DAB1: variants seen among roughly 807,000 people sequenced by gnomAD.
DAB1 encodes the protein disabled homolog 1.
Under a neutral mutation model 64.6 loss-of-function variants are expected in DAB1, and 15 were observed. The ratio of observed to expected loss-of-function variants is 0.23; its 90% CI spans 0.16 to 0.36. DAB1 has a LOEUF of 0.36. Among genes scored for constraint, DAB1 ranks in the 10% least tolerant of loss-of-function variants. DAB1 has a pLI of 1.00. For missense variants in DAB1, 596 were observed against 706.7 expected, an observed-to-expected ratio of 0.84 and a Z score of 1.78; for synonymous variants, 235 against 251.9, an observed-to-expected ratio of 0.93 and a Z score of 0.64.
intron 4 of DAB1, among the ~76,000 whole-genome samples, chr1:58,275,860 G>A (rs572182027): frequency 6.6e-6 from 1 of 152,282 alleles, no homozygotes; most frequent in South Asian, 2.1e-4. Context: ...GTCTCAAAGA[G>A]ATATTTGTAT....
At chr1:57,140,029 G>T (rs1658449528) in intron 3 of DAB1, among the ~76,000 whole-genome samples, 2 of 152,140 alleles carry the variant, frequency 1.3e-5, no homozygotes, top group Admixed American at 6.6e-5. Flanking sequence ...AGTCTAGAGT[G>T]GGCCTGCCAC....
intron 9 of DAB1, among the ~76,000 whole-genome samples, chr1:57,027,345 CG>C (rs1375413545): frequency 6.6e-6 from 1 of 152,150 alleles, no homozygotes; most frequent in African/African-American, 2.4e-5. Flanking sequence ...ACAACCACCT[CG>C]TTTGCAGGTA....
At chr1:58,109,858 T>A (rs1198827310) in intron 5 of DAB1, among the ~76,000 whole-genome samples, 1 of 151,682 alleles carries the variant, frequency 6.6e-6, no homozygotes, top group East Asian at 1.9e-4. Flanking sequence ...GATAAATATT[T>A]TTTGATCTGC....
intron 2 of DAB1, among the ~76,000 whole-genome samples, chr1:57,178,676 G>A (rs1662592789): frequency 6.6e-6 from 1 of 152,084 alleles, no homozygotes; most frequent in Non-Finnish European, 1.5e-5. Context: ...CAGGCTGCTG[G>A]TTATGTTATA....
At chr1:57,093,813 G>GT in intron 4 of DAB1, among the ~76,000 whole-genome samples, 1 of 152,252 alleles carries the variant, frequency 6.6e-6, no homozygotes, top group Non-Finnish European at 1.5e-5. Context: ...GAGCTCAAGT[G>GT]TTTAAGAGTC....
intron 5 of DAB1, among the ~76,000 whole-genome samples, chr1:57,942,599 T>C (rs535948275): frequency 6.6e-6 from 1 of 152,298 alleles, no homozygotes; most frequent in South Asian, 2.1e-4. Flanking sequence ...GTCTCAATCT[T>C]TTTAAAAAGC....
chr1:58,072,866 C>T (rs1049229897), intron 5 of DAB1, among the ~76,000 whole-genome samples: 2 of 152,196 alleles, frequency 1.3e-5, no homozygotes, highest in African/African-American at 2.4e-5. Context: ...TTCCTATTCA[C>T]TTTCCAGATT....
At chr1:58,368,231 G>C (rs541429219) in intron 3 of DAB1, among the ~76,000 whole-genome samples, 1 of 152,230 alleles carries the variant, frequency 6.6e-6, no homozygotes, top group East Asian at 1.9e-4. Context: ...TACATATTAG[G>C]GGCTGGAGGA....
chr1:58,355,337 T>A (rs1014215281), intron 3 of DAB1, among the ~76,000 whole-genome samples: 1 of 152,220 alleles, frequency 6.6e-6, no homozygotes, highest in Non-Finnish European at 1.5e-5. Flanking sequence ...TATTGTTCAA[T>A]CTTTAATTAT....
At chr1:57,039,429 A>G (rs1647432365) in intron 9 of DAB1, among the ~76,000 whole-genome samples, 1 of 152,194 alleles carries the variant, frequency 6.6e-6, no homozygotes, top group South Asian at 2.1e-4. Context: ...GTGCCAGGTC[A>G]TGGCAAAAAT....
intron 5 of DAB1, among the ~76,000 whole-genome samples, chr1:57,987,779 T>G (rs531761552): frequency 6.6e-6 from 1 of 151,752 alleles, no homozygotes; most frequent in Non-Finnish European, 1.5e-5. Context: ...GGTGAAGGAG[T>G]TGGGGGAGGG....
At chr1:58,249,629 C>T (rs758108511) in intron 4 of DAB1, among the ~76,000 whole-genome samples, 15 of 151,940 alleles carry the variant, frequency 9.9e-5, no homozygotes, top group Non-Finnish European at 2.2e-4. Context: ...ATGCTCAAGA[C>T]CACAGGACTG....
At position 57,951,334 on chromosome 1, in the gene DAB1, T is replaced by TATATATATATC. The variant is rs1219655257; in HGVS notation, n.388-67173_388-67172insGATATATATAT. 6.1e-4 allele frequency among the ~76,000 whole-genome samples: 39 copies of TATATATATATC among 63,828 alleles called. 7 individuals are homozygous for TATATATATATC. The highest frequency in any genetic ancestry group is 1.2e-3 in the South Asian group (3 of 2,544). The allele number at this position is 63,828 out of a possible 152,430, so 41.9% of individuals were successfully genotyped here. ...GCCTGATTCATATATATATATATAC[T>TATATATATATC]TCCCTGGAAACTTAAATTAGCCCAA... On this transcript the variant is annotated intron_variant and non_coding_transcript_variant, in intron 5 of 20. Transcript: ENST00000485760.
chr1:58,241,222 A>G (rs1365192975), intron 4 of DAB1, among the ~76,000 whole-genome samples: 1 of 152,200 alleles, frequency 6.6e-6, no homozygotes, highest in Non-Finnish European at 1.5e-5. Flanking sequence ...ATTTCAGAAC[A>G]TTAGTCATCT....
intron 5 of DAB1, among the ~76,000 whole-genome samples, chr1:58,032,410 G>C (rs1646985101): frequency 6.6e-6 from 1 of 152,150 alleles, no homozygotes. Flanking sequence ...GGATTGAATG[G>C]AATATCAAAT....
chr1:58,296,195 G>GAGAAAGAAAGAAAGAA lies in DAB1; in HGVS notation n.309+47141_309+47156dup, dbSNP rs56816699. ...GAAAAAAGAAAGAAAGAGAAAGAAA[G>GAGAAAGAAAGAAAGAA]AGAAAGAAAGAAAGAAAGAAAGAAA... On this transcript the variant is annotated intron_variant and non_coding_transcript_variant, in intron 4 of 20. Coordinates refer to the DAB1 transcript ENST00000485760. 9.7e-4 allele frequency among the ~76,000 whole-genome samples: 91 copies of GAGAAAGAAAGAAAGAA among 93,554 alleles called. 4 individuals carry two copies. Among genetic ancestry groups the GAGAAAGAAAGAAAGAA allele is most frequent in the East Asian group, 2.4e-3 (7 of 2,930 alleles). The allele number at this position is 93,554 out of a possible 152,430, so 61.4% of individuals were successfully genotyped here.
intron 1 of DAB1, among the ~76,000 whole-genome samples, chr1:57,408,831 C>T (rs1683868123): frequency 6.6e-6 from 1 of 152,192 alleles, no homozygotes; most frequent in South Asian, 2.1e-4. Context: ...CCACTCCTGG[C>T]CCCTTCCCCT....
chr1:58,163,859 G>T (rs1166706945), intron 4 of DAB1, among the ~76,000 whole-genome samples: 1 of 152,168 alleles, frequency 6.6e-6, no homozygotes, highest in Non-Finnish European at 1.5e-5. Context: ...TCTTGAGGCT[G>T]AGAACATGCA....
chr1:58,530,582 G>A (rs770858864), intron 1 of DAB1: 1 of 866,742 alleles, frequency 1.2e-6, no homozygotes, highest in South Asian at 1.3e-5. Context: ...ATCAATTCAA[G>A]TTATTGTCTC....
Sources: gnomAD v4.1 joint callset for allele counts (sites outside exome capture counted in the v4.1 genomes callset) on GRCh38, gnomAD v4.1.1 for gene constraint, MANE v1.5 for transcripts, NCBI Gene and HGNC (gene_info 2026-07-23, HGNC 2026-07-21) for gene names.